The following DDX52 variants were observed in gnomAD, a reference collection of about 807,000 sequenced individuals.
DDX52 encodes the protein probable ATP-dependent RNA helicase DDX52.
In DDX52, 59 loss-of-function variants were observed where a neutral mutation model predicts 76.1. The ratio of observed to expected loss-of-function variants is 0.78; its 90% CI spans 0.63 to 0.96. The LOEUF is 0.96. DDX52 is among the 40% of genes least tolerant of loss of function. The pLI, the probability that DDX52 is intolerant of heterozygous loss-of-function variation, is 0.00. For missense variants in DDX52, 707 were observed against 703.9 expected (o/e 1.00, Z -0.05); for synonymous variants, 231 against 244.1 (o/e 0.95, Z 0.50).
rs2030766344 is a variant in DDX52, at chr17:37,633,281, T to C, written c.417+7A>G. On this transcript the variant is annotated splice_region_variant and intron_variant, in intron 3 of 14. Transcript: ENST00000617633. ...ATATACTTTTGGCCCCAAAATATTT[T>C]TCTAACCTTTTCTTTTCTGAGATTC... The C allele has an allele frequency of 2.5e-6, 4 of 1,597,722 alleles. No homozygotes were observed. The East Asian group carries it at 9.0e-5, about 36-fold the overall frequency.
At chr17:37,633,525 G>T in intron 2 of DDX52, 107 bp from the exon 3 acceptor site, 1 of 887,714 alleles carries the variant, frequency 1.1e-6, no homozygotes, top group Non-Finnish European at 1.5e-6. Flanking sequence ...GGGTGGTGGT[G>T]CAAGCCTGTA....
At position 37,625,994 on chromosome 17, in the gene DDX52, T is replaced by C; in HGVS notation, c.1037A>G (p.Lys346Arg). Residue 346 changes from lysine (K) to arginine (R), a missense_variant, in exon 8 of 15, where the codon AAG (lysine) becomes AGG (arginine). Transcript: ENST00000617633. Reference sequence around the variant, plus strand: ...TGCACTGAACATAGCTCTTCGGACCTTGTGGGATGTGCAGGCCAGGAAAAT... The same window carrying C: ...TGCACTGAACATAGCTCTTCGGACCCTGTGGGATGTGCAGGCCAGGAAAAT... ...ASIFLACTSH[K>R]VRRAMFSATF... The C allele has an allele frequency of 2.5e-6, 4 of 1,614,204 alleles. No homozygotes were observed. Among genetic ancestry groups the C allele is most frequent in the Non-Finnish European group, 3.4e-6 (4 of 1,180,028 alleles).
chr17:37,633,254 A>G, intron 3 of DDX52, 34 bp downstream of exon 3: 2 of 1,579,738 alleles, frequency 1.3e-6, no homozygotes, highest in East Asian at 2.3e-5. Flanking sequence ...GTCAGAAAAT[A>G]TATATACTTT....
At chr17:37,629,049 C>G (rs1364557744) in intron 5 of DDX52, among the ~76,000 whole-genome samples, 7 of 151,482 alleles carry the variant, frequency 4.6e-5, no homozygotes, top group Admixed American at 2.6e-4. Context: ...AAAACCCCAT[C>G]TCTACTAAAA....
At chr17:37,622,892 C>G (rs2030176085) in intron 9 of DDX52, among the ~76,000 whole-genome samples, 1 of 152,166 alleles carries the variant, frequency 6.6e-6, no homozygotes, top group African/African-American at 2.4e-5. Context: ...TATGCTTGTA[C>G]TAATGAATTA....
At chr17:37,621,904 A>C (rs1401657226) in intron 9 of DDX52, among the ~76,000 whole-genome samples, 1 of 152,040 alleles carries the variant, frequency 6.6e-6, no homozygotes, top group Non-Finnish European at 1.5e-5. Flanking sequence ...GGGTGAAATT[A>C]ATTTTTTTAT....
chr17:37,638,855 C>T (rs892525104), intron 2 of DDX52, among the ~76,000 whole-genome samples: 1 of 151,006 alleles, frequency 6.6e-6, no homozygotes, highest in African/African-American at 2.4e-5. Flanking sequence ...CTGCAACCTC[C>T]ACCTCCTGGG....
intron 2 of DDX52, among the ~76,000 whole-genome samples, chr17:37,640,553 T>G (rs1331139474): frequency 1.3e-5 from 2 of 151,828 alleles, no homozygotes; most frequent in African/African-American, 4.8e-5. Flanking sequence ...AACAGGGGAC[T>G]GGAGAGAAAC....
chr17:37,629,814 G>A (rs147285705), intron 5 of DDX52, among the ~76,000 whole-genome samples: 4 of 152,288 alleles, frequency 2.6e-5, no homozygotes, highest in African/African-American at 4.8e-5. Flanking sequence ...CCAAAGAAGT[G>A]TAAATATTAA....
Position 37,633,251 on chromosome 17 carries a change from A to T in DDX52, c.417+37T>A, listed in dbSNP as rs751782974. 4 of 1,569,344 alleles carry T rather than the reference A, an allele frequency of 2.5e-6. No homozygotes were observed. In the South Asian group the frequency reaches 4.7e-5, roughly 19 times the overall value. ...CAGCGAATAAGTCACTAGGTCAGAA[A>T]ATATATATACTTTTGGCCCCAAAAT... On this transcript the variant is annotated intron_variant, in intron 3 of 14. Coordinates refer to ENST00000617633, the MANE Select transcript of DDX52 (RefSeq NM_007010.5).
rs756735547 is a variant in DDX52, at chr17:37,621,458, A to G, written c.1290T>C (p.His430=). 7 of 1,613,736 alleles carry G rather than the reference A, an allele frequency of 4.3e-6. No individual in the cohort carries two copies. The East Asian group carries it at 1.3e-4, about 31-fold the overall frequency. The change falls in exon 10 of 15, where the codon CAT becomes CAC. Residue 430 remains histidine (H), a synonymous_variant. Coordinates refer to ENST00000617633, the MANE Select transcript of DDX52 (RefSeq NM_007010.5). ...QSIERAKELF[H]ELIYEGINVD... Reference sequence around the variant, plus strand: ...CATTAATACCTTCATATATGAGCTCATGAAAAAGTTCTTTAGCCCTTTCAA... The same window carrying G: ...CATTAATACCTTCATATATGAGCTCGTGAAAAAGTTCTTTAGCCCTTTCAA...
chr17:37,642,409 C>A lies in DDX52; in HGVS notation c.88-101G>T. On this transcript the variant is annotated intron_variant, in intron 1 of 14. Transcript: ENST00000617633. ...ACTCCTCATCTTTTCTACCCTTTCACCAAGTATCTGTCGAGCTAACAGGTG... is the reference window on the plus strand; with the variant it reads ...ACTCCTCATCTTTTCTACCCTTTCAACAAGTATCTGTCGAGCTAACAGGTG... The A allele has an allele frequency of 4.5e-6, 6 of 1,328,600 alleles. No individual in the cohort carries two copies. In the South Asian group the frequency reaches 8.1e-5, roughly 18 times the overall value. The allele number at this position is 1,328,600 out of a possible 1,614,324, so 82.3% of individuals were successfully genotyped here. A position where few individuals can be genotyped will look rare whatever the true frequency, so the allele number is the denominator to read the frequency against.
intron 2 of DDX52, chr17:37,635,416 T>C: frequency 3.0e-6 from 1 of 336,000 alleles, no homozygotes; most frequent in South Asian, 2.4e-5. Flanking sequence ...TTTCTGCCAC[T>C]ATAGACTAGT....
chr17:37,621,885 G>A (rs1415332483), intron 9 of DDX52, among the ~76,000 whole-genome samples: 2 of 151,994 alleles, frequency 1.3e-5, no homozygotes, highest in East Asian at 1.9e-4. Flanking sequence ...TAATTCACTG[G>A]GTTTTTTGGG....
intron 3 of DDX52, 145 bp from the exon 4 acceptor site, chr17:37,632,443 G>C (rs1350417488): frequency 1.3e-6 from 1 of 787,820 alleles, no homozygotes; most frequent in South Asian, 1.8e-5. Context: ...AAACATCACA[G>C]ATATTAGGTA....
At chr17:37,635,947 T>C (rs2030903325) in intron 2 of DDX52, among the ~76,000 whole-genome samples, 1 of 152,222 alleles carries the variant, frequency 6.6e-6, no homozygotes, top group Non-Finnish European at 1.5e-5. Flanking sequence ...GCTACTGATG[T>C]TGAGTATCTT....
chr17:37,617,190 T>C (rs1030882988), intron 14 of DDX52, among the ~76,000 whole-genome samples: 1 of 152,252 alleles, frequency 6.6e-6, no homozygotes, highest in Non-Finnish European at 1.5e-5. Context: ...AAATGCCTAC[T>C]GGTTGATGGA....
At position 37,624,416 on chromosome 17, in the gene DDX52, A is replaced by T. The variant is rs748382733; in HGVS notation, c.1155T>A (p.Thr385=). ...SIGARNSAVE[T]VEQELLFVGS... is the part of the protein sequence containing the mutation. Reference sequence around the variant, plus strand: ...CAACAAAGAGAAGCTCTTGTTCTACAGTTTCTACTGCAGAATTCCTGGGAA... The same window carrying T: ...CAACAAAGAGAAGCTCTTGTTCTACTGTTTCTACTGCAGAATTCCTGGGAA... The change falls in exon 9 of 15, where the codon ACT becomes ACA. Residue 385 remains threonine (T), a synonymous_variant. Coordinates refer to ENST00000617633, the MANE Select transcript of DDX52 (RefSeq NM_007010.5). The T allele has an allele frequency of 1.3e-5, 21 of 1,604,492 alleles. No individual in the cohort carries two copies. The highest frequency in any genetic ancestry group is 1.7e-5 in the Non-Finnish European group (20 of 1,174,040).
At chr17:37,625,780 TA>T in intron 8 of DDX52, 114 bp downstream of exon 8, 1 of 1,133,746 alleles carries the variant, frequency 8.8e-7, no homozygotes, top group Non-Finnish European at 1.3e-6. Context: ...TTTCAATCAG[TA>T]AAACTCTCTC....
Sources: allele counts gnomAD v4.1 joint callset (sites outside exome capture counted in the v4.1 genomes callset), GRCh38; gene constraint gnomAD v4.1.1; transcripts MANE v1.5; gene names NCBI Gene and HGNC (gene_info 2026-07-23, HGNC 2026-07-21).